The following BMPR1B variants were observed in gnomAD, a reference collection of about 807,000 sequenced individuals.
BMPR1B encodes the protein bone morphogenetic protein receptor type 1B.
Under a neutral mutation model 59.1 loss-of-function variants are expected in BMPR1B, and 12 were observed. That is an observed-to-expected ratio of 0.20 (90% confidence interval 0.13 to 0.33). The LOEUF (loss-of-function observed/expected upper bound fraction) is 0.33, where lower values mean the gene tolerates loss of function less well. Among genes scored for constraint, BMPR1B ranks in the 10% least tolerant of loss-of-function variants. The probability of loss-of-function intolerance (pLI) is 1.00; values close to 1 mark genes in which losing one functional copy is unlikely to be tolerated. For synonymous variants in BMPR1B, 237 were observed against 207.3 expected (o/e 1.14, Z -1.23); for missense variants, 550 against 610.9 (o/e 0.90, Z 1.05).
intron 3 of BMPR1B, among the ~76,000 whole-genome samples, chr4:95,086,415 G>A (rs1023824245): frequency 6.6e-6 from 1 of 152,128 alleles, no homozygotes; most frequent in African/African-American, 2.4e-5. Context: ...CCATTAATGC[G>A]AACCAGTATT....
intron 1 of BMPR1B, among the ~76,000 whole-genome samples, chr4:94,786,222 T>C (rs1174803921): frequency 6.6e-6 from 1 of 152,228 alleles, no homozygotes; most frequent in Non-Finnish European, 1.5e-5. Flanking sequence ...ATGCGGGTAC[T>C]TACCCCTGTG....
chr4:94,785,677 T>A (rs1310864386), intron 1 of BMPR1B, among the ~76,000 whole-genome samples: 1 of 152,082 alleles, frequency 6.6e-6, no homozygotes, highest in Non-Finnish European at 1.5e-5. Context: ...GAGATCTCAT[T>A]CCACATTCAC....
chr4:95,147,753 T>C (rs930114440), intron 10 of BMPR1B, among the ~76,000 whole-genome samples: 7 of 152,240 alleles, frequency 4.6e-5, no homozygotes, highest in Non-Finnish European at 8.8e-5. Flanking sequence ...TACTTTCTGA[T>C]GAGTTACAGT....
chr4:95,124,561 G>T (rs1455177960), intron 7 of BMPR1B, among the ~76,000 whole-genome samples: 1 of 151,768 alleles, frequency 6.6e-6, no homozygotes. Context: ...TATTTCTTTA[G>T]ATATGACCTT....
intron 2 of BMPR1B, among the ~76,000 whole-genome samples, chr4:94,943,016 C>T (rs1227147980): frequency 6.6e-6 from 1 of 152,156 alleles, no homozygotes; most frequent in African/African-American, 2.4e-5. Flanking sequence ...TTGACCCTTT[C>T]CCTTTAACTA....
chr4:94,892,416 A>T (rs1433997711), intron 2 of BMPR1B, among the ~76,000 whole-genome samples: 1 of 152,108 alleles, frequency 6.6e-6, no homozygotes, highest in Non-Finnish European at 1.5e-5. Context: ...AGTTATAATT[A>T]TGTGAGATGA....
chr4:95,140,091 G>A (rs1031944508), intron 10 of BMPR1B, among the ~76,000 whole-genome samples: 3 of 152,088 alleles, frequency 2.0e-5, no homozygotes, highest in Admixed American at 6.5e-5. Flanking sequence ...TTTAGTCTCC[G>A]TTCTTATGTC....
chr4:94,952,187 T>C (rs1578842450), intron 2 of BMPR1B, among the ~76,000 whole-genome samples: 2 of 152,314 alleles, frequency 1.3e-5, no homozygotes, highest in East Asian at 3.9e-4. Context: ...CTATCTATTT[T>C]GTTAATCTTT....
At chr4:95,146,458 C>T (rs192840904) in intron 10 of BMPR1B, among the ~76,000 whole-genome samples, 39 of 152,260 alleles carry the variant, frequency 2.6e-4, no homozygotes, top group African/African-American at 6.5e-4. Flanking sequence ...ATTATCTTTT[C>T]CTGACCTCCC....
intron 10 of BMPR1B, among the ~76,000 whole-genome samples, chr4:95,137,894 C>T (rs1423826089): frequency 6.6e-6 from 1 of 152,122 alleles, no homozygotes; most frequent in East Asian, 1.9e-4. Flanking sequence ...TTGGAGCATT[C>T]AGCCCATTTA....
At chr4:94,841,130 C>G (rs1402082997) in intron 1 of BMPR1B, among the ~76,000 whole-genome samples, 1 of 149,052 alleles carries the variant, frequency 6.7e-6, no homozygotes, top group South Asian at 2.1e-4. Context: ...TCTCAGATCT[C>G]CAGCTGCGTG....
intron 3 of BMPR1B, among the ~76,000 whole-genome samples, chr4:95,101,292 T>G (rs1730802377): frequency 6.6e-6 from 1 of 152,114 alleles, no homozygotes; most frequent in Non-Finnish European, 1.5e-5. Flanking sequence ...CCCTCTTCTG[T>G]GCTTGGTGTC....
intron 3 of BMPR1B, among the ~76,000 whole-genome samples, chr4:95,093,413 TC>T (rs1730137569): frequency 6.6e-6 from 1 of 151,188 alleles, no homozygotes; most frequent in Non-Finnish European, 1.5e-5. Flanking sequence ...TAATTACTAT[TC>T]CTGCTGAGGT....
chr4:95,109,269 T>C (rs182611042), intron 4 of BMPR1B, among the ~76,000 whole-genome samples: 2 of 152,266 alleles, frequency 1.3e-5, no homozygotes, highest in Admixed American at 1.3e-4. Flanking sequence ...ATGTAATAAA[T>C]CAAATTGAAT....
chr4:94,890,250 T>C (rs2148989210), intron 2 of BMPR1B, among the ~76,000 whole-genome samples: 1 of 152,204 alleles, frequency 6.6e-6, no homozygotes, highest in South Asian at 2.1e-4. Flanking sequence ...CTGATGCTGC[T>C]GAAAGAGGTT....
chr4:95,103,314 T>G (rs761984143), intron 3 of BMPR1B: 8 of 241,036 alleles, frequency 3.3e-5, no homozygotes, highest in Non-Finnish European at 5.4e-5. Context: ...ATAACAAATA[T>G]GTGGCATATC....
In BMPR1B at chr4:95,130,021, C is replaced by G. The variant is rs142696562; in HGVS notation, c.745C>G (p.Gln249Glu). 150 of 1,613,898 alleles carry G rather than the reference C, an allele frequency of 9.3e-5. No homozygotes were observed. The highest frequency in any genetic ancestry group is 1.2e-4 in the Admixed American group (7 of 59,972). ...CTGGTTCAGAGAGACAGAAATATAT[C>G]AGACAGTGTTGATGAGGCATGAAAA... ...ASWFRETEIYQTVLMRHENIL... is the reference protein window; with the variant it reads ...ASWFRETEIYETVLMRHENIL... The change falls in exon 9 of 13, where the codon CAG (glutamine) becomes GAG (glutamate). Residue 249 changes from glutamine to glutamate, a missense_variant. Physicochemically the swap from Gln to Glu is conservative, Grantham distance 29 (BLOSUM62 2). Transcript: ENST00000515059.
chr4:94,763,309 C>T (rs28377955), intron 1 of BMPR1B, among the ~76,000 whole-genome samples: 6,382 of 152,258 alleles, frequency 0.042, 247 homozygotes, highest in African/African-American at 0.1. Flanking sequence ...ATAAAGTCTG[C>T]ATTGTTAGAT....
intron 1 of BMPR1B, among the ~76,000 whole-genome samples, chr4:94,815,615 G>C (rs563172999): frequency 1.3e-5 from 2 of 152,228 alleles, no homozygotes; most frequent in South Asian, 4.1e-4. Context: ...ATAACATGGT[G>C]CTGGAATTAG....
Sources: gnomAD v4.1 joint callset for allele counts (sites outside exome capture counted in the v4.1 genomes callset) on GRCh38, gnomAD v4.1.1 for gene constraint, MANE v1.5 for transcripts, NCBI Gene and HGNC (gene_info 2026-07-23, HGNC 2026-07-21) for gene names.